The following PCDHGB7 variants were observed in gnomAD, a reference collection of about 807,000 sequenced individuals.
PCDHGB7 encodes the protein protocadherin gamma subfamily B, 7.
A neutral mutation model predicts 61.4 loss-of-function variants in PCDHGB7; 37 were observed. The ratio of observed to expected loss-of-function variants is 0.60; its 90% CI spans 0.46 to 0.79. PCDHGB7 has a LOEUF of 0.79. Ranked by LOEUF, PCDHGB7 falls within the 30% of genes least tolerant of loss-of-function variation. The pLI, the probability that PCDHGB7 is intolerant of heterozygous loss-of-function variation, is 0.00. For missense variants in PCDHGB7, 1,166 were observed against 1,202.5 expected (o/e 0.97, Z 0.45); for synonymous variants, 464 against 503.5 (o/e 0.92, Z 1.05).
Position 141,433,362 on chromosome 5 carries a change from T to G in PCDHGB7, c.2415+13088T>G, listed in dbSNP as rs1285511534. ...GTGCAAGCCACCTACTGTCTGCCTA[T>G]CTATCTATCTATCTATCTATCTATC... On this transcript the variant is annotated intron_variant, in intron 1 of 3. Transcript: ENST00000398594. 4 of 299,814 alleles carry G rather than the reference T, an allele frequency of 1.3e-5. No individual in the cohort carries two copies. In the East Asian group the frequency reaches 1.8e-4, roughly 14 times the overall value. 18.6% of individuals were successfully genotyped at this position (299,814 alleles called of 1,614,324 possible). A position where few individuals can be genotyped will look rare whatever the true frequency, so the allele number is the denominator to read the frequency against.
chr5:141,419,370 A>T lies in PCDHGB7; in HGVS notation c.1511A>T (p.Tyr504Phe). Residue 504 changes from tyrosine (Y) to phenylalanine (F), a missense_variant, in exon 1 of 4, where the codon TAC (tyrosine) becomes TTC (phenylalanine). Physicochemically the swap from Tyr to Phe is conservative, Grantham distance 22. Coordinates refer to ENST00000398594, the MANE Select transcript of PCDHGB7 (RefSeq NM_018927.4). ...CTGGAGTCACGAACGCTGTCGTCCTACGTGTCCGTGAGCGCGCAGAGCGGG... is the reference window on the plus strand; with the variant it reads ...CTGGAGTCACGAACGCTGTCGTCCTTCGTGTCCGTGAGCGCGCAGAGCGGG... ...SDLESRTLSS[Y>F]VSVSAQSGVV... 6.2e-7 allele frequency: 1 copy of T among 1,613,692 alleles called. No homozygotes were observed. Among genetic ancestry groups the T allele is most frequent in the Non-Finnish European group, 8.5e-7 (1 of 1,179,878 alleles).
chr5:141,426,491 G>A, intron 1 of PCDHGB7: 1 of 336,822 alleles, frequency 3.0e-6, no homozygotes, highest in South Asian at 2.4e-5. Flanking sequence ...CTTAGAGTTA[G>A]TGCAGAGAAA....
intron 1 of PCDHGB7, among the ~76,000 whole-genome samples, chr5:141,462,288 G>A (rs1239615759): frequency 3.9e-5 from 6 of 152,196 alleles, no homozygotes; most frequent in Non-Finnish European, 7.3e-5. Flanking sequence ...CACCAAATAT[G>A]TAAGTATTAC....
chr5:141,439,390 C>T (rs528547728), intron 1 of PCDHGB7, among the ~76,000 whole-genome samples: 1 of 152,266 alleles, frequency 6.6e-6, no homozygotes, highest in South Asian at 2.1e-4. Flanking sequence ...GTCATCACTT[C>T]GACTTCATGT....
chr5:141,427,820 G>A (rs2097075272), intron 1 of PCDHGB7: 2 of 1,532,144 alleles, frequency 1.3e-6, no homozygotes, highest in East Asian at 4.5e-5. Flanking sequence ...GCGGGGTGGT[G>A]GTCGCGCAGC....
rs747960969 is a variant in PCDHGB7, at chr5:141,419,730, G to A, written c.1871G>A (p.Gly624Asp). The change falls in exon 1 of 4, where the codon GGC becomes GAC. Residue 624 changes from glycine to aspartate, a missense_variant. Physicochemically the swap from Gly to Asp is moderately conservative, Grantham distance 94. Coordinates refer to ENST00000398594, the MANE Select transcript of PCDHGB7 (RefSeq NM_018927.4). ...CTCTTCAGCCTGGGGCTGCGAACAG[G>A]CGAGGTGCGCATGGTGCGTGCTTTG... ...PGLFSLGLRT[G>D]EVRMVRALGD... 9 of 1,613,746 alleles carry A rather than the reference G, an allele frequency of 5.6e-6. No individual in the cohort carries two copies. Among genetic ancestry groups the A allele is most frequent in the Non-Finnish European group, 7.6e-6 (9 of 1,179,856 alleles).
At chr5:141,428,532 C>T (rs1561836699) in intron 1 of PCDHGB7, 7 of 277,518 alleles carry the variant, frequency 2.5e-5, no homozygotes, top group Non-Finnish European at 5.0e-5. Context: ...TTAATTTTCT[C>T]ACCATGACAC....
In PCDHGB7 at chr5:141,489,750, C is replaced by A. The variant is rs753217170; in HGVS notation, c.2416-5057C>A. 1 of 1,614,098 alleles carries A rather than the reference C, an allele frequency of 6.2e-7. No individual in the cohort carries two copies. The highest frequency in any genetic ancestry group is 1.1e-5 in the South Asian group (1 of 91,080). Reference sequence around the variant, plus strand: ...TGGGCACCAATACTGTGAGCTTTTACACTCTAAGCCCCAACAGCCACTTCT... The same window carrying A: ...TGGGCACCAATACTGTGAGCTTTTAAACTCTAAGCCCCAACAGCCACTTCT... On this transcript the variant is annotated intron_variant, in intron 1 of 3. Coordinates refer to ENST00000398594, the MANE Select transcript of PCDHGB7 (RefSeq NM_018927.4). This position sits in a 1 kb window ranked among gnomAD's most constrained non-coding sequence, Gnocchi z 4.5.
Position 141,419,566 on chromosome 5 carries a change from C to G in PCDHGB7, c.1707C>G (p.Pro569=). Reference sequence around the variant, plus strand: ...GGGTGCTGTACCCTGCGCTGGGTCCCGACGGCTCCGCGCTCTTCGACACAG... The same window carrying G: ...GGGTGCTGTACCCTGCGCTGGGTCCGGACGGCTCCGCGCTCTTCGACACAG... The part of the protein sequence containing the change: ...APRVLYPALG[P]DGSALFDTVP... The change falls in exon 1 of 4, where the codon CCC becomes CCG. Residue 569 remains proline (P), a synonymous_variant. Coordinates refer to ENST00000398594, the MANE Select transcript of PCDHGB7 (RefSeq NM_018927.4). The G allele has an allele frequency of 3.1e-6, 5 of 1,611,792 alleles. No individual in the cohort carries two copies. Among genetic ancestry groups the G allele is most frequent in the Non-Finnish European group, 2.5e-6 (3 of 1,179,446 alleles).
chr5:141,430,580 G>A, intron 1 of PCDHGB7: 1 of 478,526 alleles, frequency 2.1e-6, no homozygotes, highest in Admixed American at 3.8e-5. Context: ...CGGAGATCCT[G>A]CTCGCCTTGC....
intron 2 of PCDHGB7, 99 bp downstream of exon 2, chr5:141,494,964 G>A (rs2099757882): frequency 1.3e-6 from 2 of 1,594,380 alleles, no homozygotes; most frequent in Non-Finnish European, 8.5e-7. Context: ...GCTACAGATG[G>A]CTTCTCCCTC....
Position 141,485,468 on chromosome 5 carries a change from A to G in PCDHGB7, c.2416-9339A>G. On this transcript the variant is annotated intron_variant, in intron 1 of 3. Coordinates refer to ENST00000398594, the MANE Select transcript of PCDHGB7 (RefSeq NM_018927.4). This position sits in a 1 kb window ranked among gnomAD's most constrained non-coding sequence, Gnocchi z 5.7. The stretch of plus-strand genomic sequence containing the variant: ...CGACCGAGAGGCACTGTGTGGGCTC[A>G]GTGCCAGCTGCATCGTGCCCCTGGA... 1 of 1,614,166 alleles carries G rather than the reference A, an allele frequency of 6.2e-7. No homozygotes were observed. Among genetic ancestry groups the G allele is most frequent in the Non-Finnish European group, 8.5e-7 (1 of 1,180,020 alleles).
intron 1 of PCDHGB7, among the ~76,000 whole-genome samples, chr5:141,456,621 G>T (rs6885794): frequency 0.55 from 83,339 of 152,038 alleles, 25,195 homozygotes; most frequent in African/African-American, 0.82. Context: ...CTGTAGATTT[G>T]CCTCTTCTTT....
intron 1 of PCDHGB7, among the ~76,000 whole-genome samples, chr5:141,454,796 ATTTTTTTTT>A (rs61612330): frequency 1.2e-4 from 9 of 77,408 alleles, no homozygotes; most frequent in Admixed American, 5.4e-4. Context: ...CATGGTTCTA[ATTTTTTTTT>A]TTTTTTTTTT....
At chr5:141,446,766 C>T (rs1335326278) in intron 1 of PCDHGB7, among the ~76,000 whole-genome samples, 7 of 152,208 alleles carry the variant, frequency 4.6e-5, no homozygotes, top group East Asian at 3.9e-4. Context: ...CGCGCCCAGC[C>T]GGTTACCATT....
chr5:141,483,637 G>C (rs1365525499), intron 1 of PCDHGB7, among the ~76,000 whole-genome samples: 2 of 145,762 alleles, frequency 1.4e-5, no homozygotes. Context: ...AAGGTATAGA[G>C]GGGTGTGTGT....
chr5:141,473,274 TA>T (rs2099318463), intron 1 of PCDHGB7, among the ~76,000 whole-genome samples: 1 of 152,210 alleles, frequency 6.6e-6, no homozygotes, highest in South Asian at 2.1e-4. Context: ...ATGCTATGAT[TA>T]TTTTACTATG....
In PCDHGB7 at chr5:141,419,724, G is replaced by A. The variant is rs200134846; in HGVS notation, c.1865G>A (p.Arg622Gln). ...CCCGGGCTCTTCAGCCTGGGGCTGC[G>A]AACAGGCGAGGTGCGCATGGTGCGT... ...SEPGLFSLGL[R>Q]TGEVRMVRAL... The change falls in exon 1 of 4, where the codon CGA (arginine) becomes CAA (glutamine). Residue 622 changes from arginine to glutamine, a missense_variant. Coordinates refer to ENST00000398594, the MANE Select transcript of PCDHGB7 (RefSeq NM_018927.4). 1.9e-4 allele frequency: 301 copies of A among 1,613,488 alleles called. No homozygotes were observed. Among genetic ancestry groups the A allele is most frequent in the South Asian group, 1.2e-3 (109 of 91,082 alleles).
Position 141,489,363 on chromosome 5 carries a change from G to A in PCDHGB7, c.2416-5444G>A, listed in dbSNP as rs767837736. On this transcript the variant is annotated intron_variant, in intron 1 of 3. Transcript: ENST00000398594. This position sits in a 1 kb window ranked among gnomAD's most constrained non-coding sequence, Gnocchi z 4.5. ...ACTCAGTGGTGGAGGAGTCTGAGCC[G>A]GGGACGCTGGTGGGGAATGTTGCTC... 46 of 1,613,114 alleles carry A rather than the reference G, an allele frequency of 2.9e-5. 1 individual carries two copies. In the South Asian group the frequency reaches 3.4e-4, roughly 12 times the overall value.
Sources: allele counts gnomAD v4.1 joint callset (sites outside exome capture counted in the v4.1 genomes callset), GRCh38; gene constraint gnomAD v4.1.1; non-coding constraint Gnocchi (gnomAD v3.1); transcripts MANE v1.5; gene names NCBI Gene and HGNC (gene_info 2026-07-23, HGNC 2026-07-21).